The following USP34 variants were observed in gnomAD, a reference collection of about 807,000 sequenced individuals.
USP34 encodes ubiquitin specific peptidase 34.
USP34 carries 70 observed loss-of-function variants against 460.3 expected under a neutral mutation model. The ratio of observed to expected loss-of-function variants is 0.15; its 90% CI spans 0.13 to 0.19. The LOEUF (loss-of-function observed/expected upper bound fraction) is 0.19. Ranked by LOEUF, USP34 falls within the 10% of genes least tolerant of loss-of-function variation. USP34 has a pLI of 1.00. For missense variants in USP34, 3,985 were observed against 4,236.2 expected (o/e 0.94, Z 1.65); for synonymous variants, 1,647 against 1,405.3 (o/e 1.17, Z -3.85).
At chr2:61,335,612 G>A (rs1302602447) in intron 18 of USP34, among the ~76,000 whole-genome samples, 3 of 152,130 alleles carry the variant, frequency 2.0e-5, no homozygotes, top group Non-Finnish European at 2.9e-5. Flanking sequence ...AGCCACCCAT[G>A]ATGGCACATG....
chr2:61,470,506 C>T (rs1401298193), intron 1 of USP34, 144 bp downstream of exon 1: 1 of 223,484 alleles, frequency 4.5e-6, no homozygotes. Context: ...GCCGCGCCAC[C>T]GCGCACCTTC....
intron 67 of USP34, among the ~76,000 whole-genome samples, chr2:61,217,317 C>T (rs1389948189): frequency 5.9e-5 from 9 of 152,156 alleles, no homozygotes; most frequent in Non-Finnish European, 1.0e-4. Context: ...GTCTATATGG[C>T]AACTCTAAGA....
chr2:61,223,005 G>T, intron 64 of USP34, 55 bp downstream of exon 64: 1 of 1,471,628 alleles, frequency 6.8e-7, no homozygotes, highest in East Asian at 2.4e-5. Flanking sequence ...CCAGATTTCA[G>T]GGTATTCTTT....
At chr2:61,446,843 G>A (rs1166206478) in intron 1 of USP34, among the ~76,000 whole-genome samples, 11 of 151,208 alleles carry the variant, frequency 7.3e-5, no homozygotes, top group Non-Finnish European at 1.0e-4. Context: ...CCTCTGAGTA[G>A]ATACTTTGCC....
chr2:61,323,108 G>A (rs919390353), intron 21 of USP34, among the ~76,000 whole-genome samples: 2 of 152,186 alleles, frequency 1.3e-5, no homozygotes, highest in African/African-American at 4.8e-5. Context: ...GCCATGCACA[G>A]TAGTCTGAGG....
At chr2:61,387,556 A>T (rs545357975) in intron 5 of USP34, among the ~76,000 whole-genome samples, 7 of 146,276 alleles carry the variant, frequency 4.8e-5, no homozygotes, top group Non-Finnish European at 9.1e-5. Flanking sequence ...AAATATATAT[A>T]TTTATATATA....
intron 41 of USP34, among the ~76,000 whole-genome samples, chr2:61,274,836 G>A (rs891462913): frequency 6.6e-6 from 1 of 152,166 alleles, no homozygotes; most frequent in African/African-American, 2.4e-5. Context: ...TATACTCCAT[G>A]AACTAGCAGT....
In USP34 at chr2:61,314,763, G is replaced by C. The variant is rs752761115; in HGVS notation, c.3383-19C>G. 1.3e-6 allele frequency: 2 copies of C among 1,575,862 alleles called. No individual in the cohort carries two copies. The highest frequency in any genetic ancestry group is 1.7e-4 in the Middle Eastern group (1 of 5,854). On this transcript the variant is annotated intron_variant, in intron 24 of 79. Transcript: ENST00000398571. ...GTTTTACCTGAAAGCCAAATGTTTA[G>C]ACACATATATTAGCCTTATATTCTT...
chr2:61,367,901 G>C (rs1692487617), intron 10 of USP34, among the ~76,000 whole-genome samples: 1 of 152,010 alleles, frequency 6.6e-6, no homozygotes, highest in Non-Finnish European at 1.5e-5. Context: ...TTCGTATGAA[G>C]AAATAAATAA....
intron 2 of USP34, among the ~76,000 whole-genome samples, chr2:61,417,931 G>A (rs1311868523): frequency 6.6e-6 from 1 of 151,088 alleles, no homozygotes; most frequent in Admixed American, 6.6e-5. Flanking sequence ...AGTAGAGACA[G>A]GGTTTCACCG....
intron 41 of USP34, among the ~76,000 whole-genome samples, chr2:61,270,730 C>G (rs1689188933): frequency 6.6e-6 from 1 of 152,126 alleles, no homozygotes; most frequent in Non-Finnish European, 1.5e-5. Flanking sequence ...GCCACTGCGC[C>G]TGGCCCAGTT....
intron 41 of USP34, among the ~76,000 whole-genome samples, chr2:61,276,372 C>G (rs568743920): frequency 2.0e-4 from 31 of 152,134 alleles, no homozygotes; most frequent in African/African-American, 6.7e-4. Flanking sequence ...ATTATTGCCT[C>G]TTAGTCAATT....
intron 15 of USP34, chr2:61,346,278 G>T (rs1691764400): frequency 1.3e-5 from 2 of 151,808 alleles, no homozygotes; most frequent in African/African-American, 4.8e-5. Flanking sequence ...CAGAGCTTTG[G>T]GAGGCTGCGG....
rs760227814 is a variant in USP34 at position 61,288,753 on chromosome 2, T to C, written c.4673A>G (p.Lys1558Arg). The C allele has an allele frequency of 6.2e-7, 1 of 1,613,972 alleles. No homozygotes were observed. Among genetic ancestry groups the C allele is most frequent in the African/African-American group, 1.3e-5 (1 of 74,922 alleles). Residue 1558 changes from lysine (K) to arginine (R), a missense_variant, in exon 34 of 80, where the codon AAA (lysine) becomes AGA (arginine). Coordinates refer to ENST00000398571, the MANE Select transcript of USP34 (RefSeq NM_014709.4). Reference protein sequence around the residue: ...AWSGIAESHRKRTWPGKSRKA... With the variant: ...AWSGIAESHRRRTWPGKSRKA... ...CCTTGATTTGCCAGGCCAGGTTCTT[T>C]TCCTATGGCTTTCCGCTATACCAGA...
intron 2 of USP34, among the ~76,000 whole-genome samples, chr2:61,407,255 C>T (rs565704762): frequency 5.9e-5 from 9 of 152,226 alleles, no homozygotes; most frequent in South Asian, 4.1e-4. Flanking sequence ...AGCTAGGCAT[C>T]GTGGCTTGTG....
intron 78 of USP34, 95 bp from the exon 79 acceptor site, chr2:61,189,164 T>G (rs1686542686): frequency 2.3e-6 from 3 of 1,328,258 alleles, no homozygotes; most frequent in Non-Finnish European, 3.1e-6. Flanking sequence ...TTCCCAGGAA[T>G]CCATTCTTTC....
At chr2:61,330,057 G>C (rs2103727082) in intron 20 of USP34, among the ~76,000 whole-genome samples, 1 of 152,266 alleles carries the variant, frequency 6.6e-6, no homozygotes, top group South Asian at 2.1e-4. Flanking sequence ...AAAAGACATG[G>C]GGTATATTTT....
intron 8 of USP34, among the ~76,000 whole-genome samples, chr2:61,372,201 G>C (rs889075212): frequency 6.6e-6 from 1 of 151,392 alleles, no homozygotes; most frequent in Non-Finnish European, 1.5e-5. Flanking sequence ...TTCTATAATA[G>C]AATTTTATGC....
At chr2:61,221,643 T>C in intron 65 of USP34, 37 bp from the exon 66 acceptor site, 1 of 1,571,234 alleles carries the variant, frequency 6.4e-7, no homozygotes, top group Non-Finnish European at 8.7e-7. Context: ...TTTAGATCAA[T>C]CTGAACCCAT....
Sources: gnomAD v4.1 joint callset for allele counts (sites outside exome capture counted in the v4.1 genomes callset) on GRCh38, gnomAD v4.1.1 for gene constraint, MANE v1.5 for transcripts, NCBI Gene and HGNC (gene_info 2026-07-23, HGNC 2026-07-21) for gene names.